The following RELN variants were observed in gnomAD, a reference collection of about 807,000 sequenced individuals.
RELN encodes reelin.
Under a neutral mutation model 427.6 loss-of-function variants are expected in RELN, and 108 were observed. The observed-to-expected ratio is 0.25, with a 90% CI of 0.22 to 0.30. The LOEUF is 0.30. RELN is among the 10% of genes least tolerant of loss of function. The pLI is 1.00. For missense variants in RELN, 3,715 were observed against 4,302.8 expected, an observed-to-expected ratio of 0.86 and a Z score of 3.82; for synonymous variants, 1,524 against 1,513.4, an observed-to-expected ratio of 1.01 and a Z score of -0.16.
At chr7:103,482,121 A>C (rs1220976566) in intron 63 of RELN, 2 of 152,168 alleles carry the variant, frequency 1.3e-5, no homozygotes, top group Non-Finnish European at 2.9e-5. Flanking sequence ...AAATTGACTG[A>C]AATCAGCCAA....
chr7:103,900,095 C>T (rs561052618), intron 2 of RELN, among the ~76,000 whole-genome samples: 1 of 152,330 alleles, frequency 6.6e-6, no homozygotes, highest in South Asian at 2.1e-4. Context: ...GCAACTTCAG[C>T]AAAGTCTCAG....
At chr7:103,504,128 C>T (rs915235577) in intron 51 of RELN, among the ~76,000 whole-genome samples, 4 of 152,030 alleles carry the variant, frequency 2.6e-5, no homozygotes, top group Non-Finnish European at 5.9e-5. Flanking sequence ...CGTCTGAACC[C>T]GGGAGGCAGA....
At position 103,569,623 on chromosome 7, in the gene RELN, C is replaced by G. The variant is rs551845350; in HGVS notation, c.4588+2561G>C. 2.6e-5 allele frequency among the ~76,000 whole-genome samples: 4 copies of G among 152,268 alleles called. No individual in the cohort carries two copies. The East Asian group carries it at 7.7e-4, about 29-fold the overall frequency. On this transcript the variant is annotated intron_variant, in intron 31 of 64. Coordinates refer to ENST00000428762, the MANE Select transcript of RELN (RefSeq NM_005045.4). This position sits in a 1 kb window ranked among gnomAD's most constrained non-coding sequence, Gnocchi z 4.0. Reference sequence around the variant, plus strand: ...TGGTTTCTGTCTTCCTCCTCATTAGCTTTTTAAGGAGTGCCACATATACCT... The same window carrying G: ...TGGTTTCTGTCTTCCTCCTCATTAGGTTTTTAAGGAGTGCCACATATACCT...
chr7:103,806,620 C>T (rs961499008), intron 3 of RELN, among the ~76,000 whole-genome samples: 7 of 152,116 alleles, frequency 4.6e-5, no homozygotes, highest in African/African-American at 1.7e-4. Flanking sequence ...CCACCATGCC[C>T]GGCCATAAGC....
At chr7:103,950,256 C>G (rs1238077907) in intron 1 of RELN, among the ~76,000 whole-genome samples, 2 of 152,142 alleles carry the variant, frequency 1.3e-5, no homozygotes, top group African/African-American at 4.8e-5. Flanking sequence ...CTTTGGGGAT[C>G]AGGAATTTAA....
intron 20 of RELN, among the ~76,000 whole-genome samples, chr7:103,617,269 AGTCT>A (rs1462916563): frequency 6.6e-6 from 1 of 152,130 alleles, no homozygotes; most frequent in Non-Finnish European, 1.5e-5. Flanking sequence ...GAGGATATAT[AGTCT>A]GTCATATGTG....
intron 4 of RELN, among the ~76,000 whole-genome samples, chr7:103,755,044 A>G (rs1455290002): frequency 6.6e-6 from 1 of 152,142 alleles, no homozygotes; most frequent in Non-Finnish European, 1.5e-5. Flanking sequence ...CAGAGTCTAG[A>G]CTCAACAGCT....
chr7:103,606,206 A>AT (rs754557570), intron 22 of RELN, among the ~76,000 whole-genome samples: 1 of 152,196 alleles, frequency 6.6e-6, no homozygotes, highest in African/African-American at 2.4e-5. Flanking sequence ...GGGTGACTAG[A>AT]TTGTGAGCTC....
chr7:103,807,184 T>C (rs748784720), intron 3 of RELN, among the ~76,000 whole-genome samples: 2 of 152,088 alleles, frequency 1.3e-5, no homozygotes, highest in Admixed American at 6.6e-5. Context: ...CCTGCTAGAA[T>C]ACAGTAAAGA....
chr7:103,962,646 T>TTGTTGTGTGTG (rs1187382987), intron 1 of RELN, among the ~76,000 whole-genome samples: 1 of 149,816 alleles, frequency 6.7e-6, no homozygotes, highest in African/African-American at 2.5e-5. Context: ...TCCAAAGTTG[T>TTGTTGTGTGTG]TGTGTGTGTG....
intron 2 of RELN, among the ~76,000 whole-genome samples, chr7:103,900,335 T>C (rs945916059): frequency 3.3e-5 from 5 of 152,104 alleles, no homozygotes; most frequent in African/African-American, 1.2e-4. Flanking sequence ...TGCTCATGTA[T>C]AGGAAGAATC....
chr7:103,494,013 A>G (rs1242297574), intron 57 of RELN, among the ~76,000 whole-genome samples: 2 of 152,154 alleles, frequency 1.3e-5, no homozygotes, highest in East Asian at 1.9e-4. Flanking sequence ...GGAGGCTCCA[A>G]TCAACTCAAT....
At chr7:103,850,861 C>T (rs1016012335) in intron 2 of RELN, among the ~76,000 whole-genome samples, 1 of 152,122 alleles carries the variant, frequency 6.6e-6, no homozygotes, top group Non-Finnish European at 1.5e-5. Context: ...ATGCAGTGTA[C>T]AGGGAATGCT....
intron 1 of RELN, among the ~76,000 whole-genome samples, chr7:103,932,377 G>A (rs74749189): frequency 0.11 from 16,790 of 152,182 alleles, 1,330 homozygotes; most frequent in East Asian, 0.36. Flanking sequence ...CAGACACTGG[G>A]TTCTACTTGA....
chr7:103,500,748 C>G lies in RELN; in HGVS notation c.8664G>C (p.Leu2888=), dbSNP rs1415613699. The G allele has an allele frequency of 3.1e-6, 5 of 1,614,014 alleles. No homozygotes were observed. The highest frequency in any genetic ancestry group is 2.2e-5 in the South Asian group (2 of 91,078). Residue 2888 remains leucine (L), a synonymous_variant, in exon 53 of 65, where the codon CTG becomes CTC. Transcript: ENST00000428762. The part of the protein sequence containing the change: ...SGPNCYLTHT[L]KTFLKERFDS... ...TTGTCCAGGGCTTTACCCTTACCTT[C>G]AGAGTGTGGGTCAAGTAGCAGTTTG...
At chr7:103,946,094 CACTG>C (rs1016586748) in intron 1 of RELN, among the ~76,000 whole-genome samples, 1 of 152,184 alleles carries the variant, frequency 6.6e-6, no homozygotes, top group African/African-American at 2.4e-5. Context: ...CTTCATAAAG[CACTG>C]ACTGTGTTTG....
At chr7:103,689,548 C>T (rs1205232848) in intron 10 of RELN, among the ~76,000 whole-genome samples, 3 of 152,014 alleles carry the variant, frequency 2.0e-5, no homozygotes, top group Non-Finnish European at 2.9e-5. Flanking sequence ...AGATGATTCA[C>T]GCTTTCAAAA....
At chr7:103,821,085 C>G (rs1350136089) in intron 3 of RELN, among the ~76,000 whole-genome samples, 1 of 151,966 alleles carries the variant, frequency 6.6e-6, no homozygotes, top group African/African-American at 2.4e-5. Flanking sequence ...CTCATCTTGC[C>G]CTTACCATCA....
At chr7:103,597,224 T>A (rs552684318) in intron 24 of RELN, among the ~76,000 whole-genome samples, 4 of 152,246 alleles carry the variant, frequency 2.6e-5, no homozygotes, top group East Asian at 1.9e-4. Flanking sequence ...AGAGGGAACA[T>A]CCTCTCCAGA....
Sources: allele counts gnomAD v4.1 joint callset (sites outside exome capture counted in the v4.1 genomes callset), GRCh38; gene constraint gnomAD v4.1.1; non-coding constraint Gnocchi (gnomAD v3.1); transcripts MANE v1.5; gene names NCBI Gene and HGNC (gene_info 2026-07-23, HGNC 2026-07-21).